Variants in NRIP1 observed in about 807,000 individuals in gnomAD.
NRIP1 encodes the protein nuclear receptor interacting protein 1.
A neutral mutation model predicts 75.0 loss-of-function variants in NRIP1; 28 were observed. The observed-to-expected ratio is 0.37, with a 90% confidence interval of 0.28 to 0.51. The LOEUF (loss-of-function observed/expected upper bound fraction) is 0.51. NRIP1 is among the 20% of genes least tolerant of loss of function. The pLI, the probability that NRIP1 is intolerant of heterozygous loss-of-function variation, is 0.92. For synonymous variants in NRIP1, 526 were observed against 487.6 expected, an observed-to-expected ratio of 1.08 and a Z score of -1.04; for missense variants, 1,435 against 1,343.7, an observed-to-expected ratio of 1.07 and a Z score of -1.06.
intron 1 of NRIP1, chr21:15,051,112 C>T (rs999906193): frequency 5.6e-6 from 2 of 356,746 alleles, no homozygotes; most frequent in Non-Finnish European, 1.1e-5. Flanking sequence ...AGCTCCTGCC[C>T]CTTTGGCCCC....
intron 2 of NRIP1, among the ~76,000 whole-genome samples, chr21:15,027,172 A>T (rs1342446303): frequency 3.3e-5 from 5 of 152,230 alleles, no homozygotes; most frequent in Admixed American, 2.0e-4. Context: ...GCAGTAAATG[A>T]TTAACACAAA....
chr21:14,966,926 T>C lies in NRIP1; in HGVS notation c.1267A>G (p.Ser423Gly). 5.0e-6 allele frequency: 8 copies of C among 1,614,162 alleles called. No homozygotes were observed. The highest frequency in any genetic ancestry group is 6.8e-6 in the Non-Finnish European group (8 of 1,180,016). ...TCACCACTGCTGTCATCTGTAAAAC[T>C]AGGATTGTTATCTGAATATTCATCA... ...TIDEYSDNNP[S>G]FTDDSSGDES... is the part of the protein sequence containing the mutation. The change falls in exon 4 of 4, where the codon AGT becomes GGT. Residue 423 changes from serine (S) to glycine (G), a missense_variant. Physicochemically the swap from Ser to Gly is moderately conservative, Grantham distance 56. Transcript: ENST00000318948.
intron 3 of NRIP1, among the ~76,000 whole-genome samples, chr21:14,994,481 G>A (rs1191811526): frequency 1.3e-5 from 2 of 152,080 alleles, no homozygotes; most frequent in African/African-American, 4.8e-5. Context: ...CATTTGACTA[G>A]AGAAAATAAA....
chr21:14,978,109 T>C (rs2087126292), intron 3 of NRIP1, among the ~76,000 whole-genome samples: 1 of 152,174 alleles, frequency 6.6e-6, no homozygotes, highest in Non-Finnish European at 1.5e-5. Flanking sequence ...GCTGCTTCCA[T>C]AGGAGTAAAA....
At position 14,966,103 on chromosome 21, in the gene NRIP1, C is replaced by T; in HGVS notation, c.2090G>A (p.Gly697Glu). 6.2e-7 allele frequency: 1 copy of T among 1,612,354 alleles called. No individual in the cohort carries two copies. The highest frequency in any genetic ancestry group is 1.1e-5 in the South Asian group (1 of 91,070). The change falls in exon 4 of 4, where the codon GGG (glycine) becomes GAG (glutamate). Residue 697 changes from glycine (G) to glutamate (E), a missense_variant. By Grantham distance (98) the Gly-to-Glu change is moderately conservative. Coordinates refer to ENST00000318948, the MANE Select transcript of NRIP1 (RefSeq NM_003489.4). ...ATTTTCTATTTCAGAACCAGAAAGCCCTGGTTCAGGACCTGTTGGTTGACT... is the reference window on the plus strand; with the variant it reads ...ATTTTCTATTTCAGAACCAGAAAGCTCTGGTTCAGGACCTGTTGGTTGACT... ...FSSQPTGPEP[G>E]LSGSEIENLL...
intron 3 of NRIP1, among the ~76,000 whole-genome samples, chr21:14,982,790 C>T (rs751701742): frequency 5.3e-5 from 8 of 150,060 alleles, no homozygotes; most frequent in Non-Finnish European, 1.0e-4. Context: ...ACTTTTCCAA[C>T]AGCATGTGCC....
rs11379755 is a variant in NRIP1 at position 15,033,224 on chromosome 21, CAAA to C, written c.-458+10268_-458+10270del. ...TGGGCGACAGAGCGAGACTCTGTCT[CAAA>C]AAAAAAAAAAAAAAAATACTGCATA... On this transcript the variant is annotated intron_variant, in intron 2 of 3. Transcript: ENST00000318948. Among the ~76,000 whole-genome samples, 206 of 110,526 alleles carry C rather than the reference CAAA, an allele frequency of 1.9e-3. 2 individuals are homozygous for C. Among genetic ancestry groups the C allele is most frequent in the African/African-American group, 6.1e-3 (177 of 28,980 alleles). The allele number at this position is 110,526 out of a possible 152,430, so 72.5% of individuals were successfully genotyped here.
At chr21:15,016,447 C>T (rs551755858) in intron 2 of NRIP1, among the ~76,000 whole-genome samples, 29 of 152,328 alleles carry the variant, frequency 1.9e-4, no homozygotes, top group African/African-American at 6.7e-4. Context: ...GCACGCCCAT[C>T]TTCCCGTTAT....
At chr21:15,051,989 A>G (rs772457507) in intron 1 of NRIP1, 2 of 152,022 alleles carry the variant, frequency 1.3e-5, no homozygotes, top group Non-Finnish European at 2.9e-5. Flanking sequence ...TAGCCTATTA[A>G]CCCTATCTAG....
rs144781629 is a variant in NRIP1 at position 14,964,754 on chromosome 21, G to A, written c.3439C>T (p.Leu1147=). The A allele has an allele frequency of 3.2e-5, 50 of 1,574,472 alleles. No individual in the cohort carries two copies. The highest frequency in any genetic ancestry group is 4.3e-5 in the Non-Finnish European group (50 of 1,166,886). Residue 1147 remains leucine, a synonymous_variant, in exon 4 of 4, where the codon CTG becomes TTG. Transcript: ENST00000318948. ...HSANGEVYGL[L]GSVLTIKKES... is the part of the protein sequence containing the mutation. Reference sequence around the variant, plus strand: ...TTCTTTATCGTTAGCACGCTTCCCAGAAGTCCATAAACTTCTCCATTTGCG... The same window carrying A: ...TTCTTTATCGTTAGCACGCTTCCCAAAAGTCCATAAACTTCTCCATTTGCG...
intron 1 of NRIP1, among the ~76,000 whole-genome samples, chr21:15,053,971 T>C (rs759617079): frequency 8.5e-5 from 13 of 152,216 alleles, no homozygotes; most frequent in Non-Finnish European, 1.9e-4. Flanking sequence ...TTAAAATAAA[T>C]TTCTCGTCTA....
chr21:15,055,116 C>A (rs2089278670), intron 1 of NRIP1, among the ~76,000 whole-genome samples: 1 of 152,200 alleles, frequency 6.6e-6, no homozygotes, highest in Admixed American at 6.5e-5. Flanking sequence ...ATTATCACCA[C>A]TGGTCCACAC....
intron 3 of NRIP1, among the ~76,000 whole-genome samples, chr21:14,981,437 G>A (rs2087230265): frequency 6.6e-6 from 1 of 152,190 alleles, no homozygotes; most frequent in Non-Finnish European, 1.5e-5. Context: ...CGTTCTGCCT[G>A]TGCAGCAGGG....
intron 2 of NRIP1, among the ~76,000 whole-genome samples, chr21:15,033,643 TATTA>T (rs932727404): frequency 2.6e-5 from 4 of 152,256 alleles, no homozygotes; most frequent in African/African-American, 9.6e-5. Flanking sequence ...TTATTAACTT[TATTA>T]ATTAGACACT....
chr21:15,063,469 T>A (rs926740850), intron 1 of NRIP1, among the ~76,000 whole-genome samples: 4 of 152,220 alleles, frequency 2.6e-5, no homozygotes, highest in Non-Finnish European at 4.4e-5. Context: ...GCCACCCACT[T>A]ACTAAACCTA....
intron 3 of NRIP1, among the ~76,000 whole-genome samples, chr21:15,013,185 C>A (rs2251399): frequency 1.3e-5 from 2 of 151,876 alleles, no homozygotes; most frequent in African/African-American, 2.4e-5. Context: ...AATGAATATA[C>A]GAAAAGTGAC....
intron 3 of NRIP1, among the ~76,000 whole-genome samples, chr21:15,011,621 C>T (rs980991148): frequency 4.6e-4 from 70 of 152,236 alleles, no homozygotes; most frequent in South Asian, 4.1e-4. Flanking sequence ...ATAGAGAACT[C>T]GTCCTAGTGG....
At chr21:14,991,975 T>C (rs1600842744) in intron 3 of NRIP1, among the ~76,000 whole-genome samples, 1 of 152,154 alleles carries the variant, frequency 6.6e-6, no homozygotes, top group Non-Finnish European at 1.5e-5. Context: ...TTTTCCCCTT[T>C]CTCTGACCAA....
chr21:14,979,338 T>C (rs1456669677), intron 3 of NRIP1, among the ~76,000 whole-genome samples: 2 of 152,200 alleles, frequency 1.3e-5, no homozygotes, highest in Non-Finnish European at 2.9e-5. Flanking sequence ...GTGTTTATAG[T>C]ATATATGCAG....
Sources: allele counts gnomAD v4.1 joint callset (sites outside exome capture counted in the v4.1 genomes callset), GRCh38; gene constraint gnomAD v4.1.1; transcripts MANE v1.5; gene names NCBI Gene and HGNC (gene_info 2026-07-23, HGNC 2026-07-21).